FOXO3: variants seen among roughly 807,000 people sequenced by gnomAD.
FOXO3 encodes the protein forkhead box protein O3.
In FOXO3, 4 loss-of-function variants were observed where a neutral mutation model predicts 41.9. The ratio of observed to expected loss-of-function variants is 0.10; its 90% CI spans 0.05 to 0.22. The LOEUF is 0.22. FOXO3 is among the 10% of genes least tolerant of loss of function. FOXO3 has a pLI of 1.00. For missense variants in FOXO3, 534 were observed against 906.8 expected, an observed-to-expected ratio of 0.59 and a Z score of 5.28; for synonymous variants, 318 against 389.3, an observed-to-expected ratio of 0.82 and a Z score of 2.16.
At chr6:108,611,651 A>G (rs1446264278) in intron 1 of FOXO3, among the ~76,000 whole-genome samples, 1 of 149,994 alleles carries the variant, frequency 6.7e-6, no homozygotes, top group Non-Finnish European at 1.5e-5. Context: ...GCTTATTTGT[A>G]AATTGTATAT....
chr6:108,655,507 T>A (rs1043315839), intron 1 of FOXO3, among the ~76,000 whole-genome samples: 7 of 152,196 alleles, frequency 4.6e-5, no homozygotes, highest in Non-Finnish European at 8.8e-5. Context: ...TTGGCCCTAA[T>A]TGCACATTAG....
At chr6:108,658,891 TG>T (rs1326502584) in intron 1 of FOXO3, among the ~76,000 whole-genome samples, 1 of 151,642 alleles carries the variant, frequency 6.6e-6, no homozygotes, top group Admixed American at 6.6e-5. Context: ...TTTTTTTGTT[TG>T]TTTGTTTTTT....
chr6:108,595,019 C>A (rs866019616), intron 1 of FOXO3, among the ~76,000 whole-genome samples: 2 of 152,028 alleles, frequency 1.3e-5, no homozygotes, highest in Admixed American at 1.3e-4. Context: ...ATGGTGGTTC[C>A]CCAAACAACA....
intron 1 of FOXO3, among the ~76,000 whole-genome samples, chr6:108,661,116 C>T (rs1249994980): frequency 1.3e-5 from 2 of 151,828 alleles, no homozygotes; most frequent in African/African-American, 4.8e-5. Flanking sequence ...GTGGCACGCA[C>T]CTGTAACCCC....
chr6:108,570,004 T>A (rs1209853211), intron 1 of FOXO3, among the ~76,000 whole-genome samples: 1 of 135,218 alleles, frequency 7.4e-6, no homozygotes, highest in Non-Finnish European at 1.6e-5. Flanking sequence ...TTTTTTTTTT[T>A]TTTTTTTTTT....
chr6:108,640,858 T>A (rs747747369), intron 1 of FOXO3, among the ~76,000 whole-genome samples: 1 of 152,226 alleles, frequency 6.6e-6, no homozygotes, highest in Non-Finnish European at 1.5e-5. Context: ...TACTATGTGC[T>A]GGGCACAATT....
At chr6:108,593,875 A>G (rs1331697611) in intron 1 of FOXO3, among the ~76,000 whole-genome samples, 1 of 151,454 alleles carries the variant, frequency 6.6e-6, no homozygotes, top group Non-Finnish European at 1.5e-5. Flanking sequence ...TGCCACCACA[A>G]CCAGCTAATT....
At chr6:108,664,997 A>G (rs1049335131) in intron 2 of FOXO3, 108 bp downstream of exon 2, 7 of 1,204,524 alleles carry the variant, frequency 5.8e-6, no homozygotes, top group Admixed American at 2.8e-5. Context: ...ACTGAAAACC[A>G]TGGAGCAGTG....
At chr6:108,592,643 T>G (rs1187031279) in intron 1 of FOXO3, among the ~76,000 whole-genome samples, 1 of 152,180 alleles carries the variant, frequency 6.6e-6, no homozygotes, top group Non-Finnish European at 1.5e-5. Context: ...GAAGCTTGAG[T>G]GTGTGTGGGA....
intron 1 of FOXO3, among the ~76,000 whole-genome samples, chr6:108,623,729 G>A (rs1031733948): frequency 6.6e-6 from 1 of 152,060 alleles, no homozygotes; most frequent in Non-Finnish European, 1.5e-5. Flanking sequence ...AAAATAAAGG[G>A]GAAGGGAAGG....
chr6:108,618,986 A>C (rs1777594444), intron 1 of FOXO3, among the ~76,000 whole-genome samples: 1 of 152,198 alleles, frequency 6.6e-6, no homozygotes, highest in African/African-American at 2.4e-5. Context: ...AAGTTCAGGC[A>C]AATAAGTTCA....
chr6:108,614,779 G>T (rs1210849170), intron 1 of FOXO3, among the ~76,000 whole-genome samples: 1 of 149,642 alleles, frequency 6.7e-6, no homozygotes, highest in Non-Finnish European at 1.5e-5. Flanking sequence ...ATTATATTTG[G>T]GTTTAAATCT....
At chr6:108,658,530 G>A (rs1351644363) in intron 1 of FOXO3, among the ~76,000 whole-genome samples, 1 of 152,036 alleles carries the variant, frequency 6.6e-6, no homozygotes, top group Admixed American at 6.6e-5. Flanking sequence ...GTTAATATTG[G>A]GGGTGGGAGG....
At chr6:108,663,427 T>C in intron 1 of FOXO3, 28 bp from the exon 2 acceptor site, 1 of 1,576,824 alleles carries the variant, frequency 6.3e-7, no homozygotes, top group Non-Finnish European at 8.6e-7. Flanking sequence ...TTCTGGTTCA[T>C]ACTCTGTATT....
chr6:108,645,346 A>G (rs1031123636), intron 1 of FOXO3, among the ~76,000 whole-genome samples: 9 of 152,164 alleles, frequency 5.9e-5, no homozygotes, highest in Non-Finnish European at 8.8e-5. Context: ...ATAACCCTAT[A>G]TATTCTGTTA....
At position 108,664,887 on chromosome 6, in the gene FOXO3, C is replaced by G; in HGVS notation, c.*32C>G. On this transcript the variant is annotated splice_region_variant and 3_prime_UTR_variant, in exon 2 of 3. Transcript: ENST00000406360. Reference sequence around the variant, plus strand: ...ACTGAGGAAGGGGAAGTGGGCAAAGCAGGTCAGTGCCGAATGCTATGGCAT... The same window carrying G: ...ACTGAGGAAGGGGAAGTGGGCAAAGGAGGTCAGTGCCGAATGCTATGGCAT... The G allele has an allele frequency of 6.3e-7, 1 of 1,598,926 alleles. No homozygotes were observed. Among genetic ancestry groups the G allele is most frequent in the Non-Finnish European group, 8.5e-7 (1 of 1,171,958 alleles).
At chr6:108,639,685 A>G in intron 1 of FOXO3, 1 of 406,254 alleles carries the variant, frequency 2.5e-6, no homozygotes, top group South Asian at 1.0e-4. Context: ...CAGATACTGC[A>G]ACTACTTACG....
At chr6:108,634,694 G>T (rs1385914576) in intron 1 of FOXO3, among the ~76,000 whole-genome samples, 1 of 152,088 alleles carries the variant, frequency 6.6e-6, no homozygotes, top group Non-Finnish European at 1.5e-5. Flanking sequence ...GTGGGTAGGG[G>T]ATAGATGTGA....
At chr6:108,624,588 C>T (rs1486148911) in intron 1 of FOXO3, among the ~76,000 whole-genome samples, 4 of 152,118 alleles carry the variant, frequency 2.6e-5, no homozygotes, top group Non-Finnish European at 5.9e-5. Flanking sequence ...AAATCACCAC[C>T]TTATTTTTGC....
Sources: gnomAD v4.1 joint callset for allele counts (sites outside exome capture counted in the v4.1 genomes callset) on GRCh38, gnomAD v4.1.1 for gene constraint, MANE v1.5 for transcripts, NCBI Gene and HGNC (gene_info 2026-07-23, HGNC 2026-07-21) for gene names.